SLC12A3: variants seen among roughly 807,000 people sequenced by gnomAD.
SLC12A3 encodes the protein Na-Cl cotransporter.
In SLC12A3, 104 loss-of-function variants were observed where a neutral mutation model predicts 121.0. The observed-to-expected ratio is 0.86, with a 90% CI of 0.73 to 1.01. The LOEUF (loss-of-function observed/expected upper bound fraction) is 1.01. Ranked by LOEUF, SLC12A3 falls within the 50% of genes least tolerant of loss-of-function variation. The pLI, the probability that SLC12A3 is intolerant of heterozygous loss-of-function variation, is 0.00. For missense variants in SLC12A3, 1,328 were observed against 1,356.3 expected (o/e 0.98, Z 0.33); for synonymous variants, 536 against 533.4 (o/e 1.00, Z -0.07).
At chr16:56,893,498 C>T (rs1438588208) in intron 21 of SLC12A3, among the ~76,000 whole-genome samples, 2 of 152,218 alleles carry the variant, frequency 1.3e-5, no homozygotes, top group Admixed American at 1.3e-4. Flanking sequence ...CTATTAATAA[C>T]TGCCAAAATA....
chr16:56,873,374 CTTTTTTTTTTTTTTTT>C (rs59478629), intron 8 of SLC12A3, among the ~76,000 whole-genome samples: 4 of 75,392 alleles, frequency 5.3e-5, no homozygotes, highest in Non-Finnish European at 9.7e-5. Context: ...CTCTTTCTTT[CTTTTTTTTTTTTTTTT>C]TTTTTTTTTT....
At chr16:56,899,657 G>A in intron 23 of SLC12A3, 41 bp downstream of exon 23, 4 of 1,435,818 alleles carry the variant, frequency 2.8e-6, no homozygotes, top group Non-Finnish European at 3.9e-6. Context: ...AGGGCCAACT[G>A]TGTGCCTGGA....
At position 56,880,220 on chromosome 16, in the gene SLC12A3, G is replaced by T. The variant is rs1378766996; in HGVS notation, c.1534G>T (p.Ala512Ser). 3 of 1,588,856 alleles carry T rather than the reference G, an allele frequency of 1.9e-6. No homozygotes were observed. The highest frequency in any genetic ancestry group is 1.8e-5 in the Admixed American group (1 of 55,454). The change falls in exon 12 of 26, where the codon GCC becomes TCC. Residue 512 changes from alanine to serine, a missense_variant. By Grantham distance (99) the Ala-to-Ser change is moderately conservative (BLOSUM62 1). Transcript: ENST00000563236. ...GGAGCCCGTGCGTGGCTACCTGCTG[G>T]CCTACGCCATCGCTGTGGCCTTCAT... is the stretch of plus-strand genomic sequence containing the variant. ...NKEPVRGYLLAYAIAVAFIII... is the reference protein window; with the variant it reads ...NKEPVRGYLLSYAIAVAFIII...
At chr16:56,904,308 GA>G in intron 24 of SLC12A3, 86 bp from the exon 25 acceptor site, 1 of 1,220,280 alleles carries the variant, frequency 8.2e-7, no homozygotes. Context: ...GAATCCAGTT[GA>G]AAATGTTAAT....
In SLC12A3 at chr16:56,872,758, C is replaced by T. The variant is rs1280772093; in HGVS notation, c.1067C>T (p.Ala356Val). Residue 356 changes from alanine (A) to valine (V), a missense_variant, in exon 8 of 26, where the codon GCA becomes GTA. By Grantham distance (64) the Ala-to-Val change is moderately conservative. Coordinates refer to ENST00000563236, the MANE Select transcript of SLC12A3 (RefSeq NM_001126108.2). ...IFFPSATGIL[A>V]GANISGDLKD... ...TTCCCCTCGGCCACAGGCATCCTGG[C>T]AGGGGCCAACATATCTGGTGACCTC... 2.2e-5 allele frequency: 35 copies of T among 1,614,150 alleles called. No individual in the cohort carries two copies. Among genetic ancestry groups the T allele is most frequent in the Non-Finnish European group, 3.0e-5 (35 of 1,180,058 alleles).
chr16:56,875,135 C>CCG (rs1342362739), intron 8 of SLC12A3, among the ~76,000 whole-genome samples: 105 of 115,248 alleles, frequency 9.1e-4, no homozygotes, highest in Non-Finnish European at 1.6e-4. Flanking sequence ...TGGATGAGGC[C>CCG]CGCGCGCCTG....
chr16:56,881,436 C>T (rs1288048783), intron 12 of SLC12A3, among the ~76,000 whole-genome samples: 1 of 147,084 alleles, frequency 6.8e-6, no homozygotes, highest in East Asian at 2.3e-4. Context: ...ATTCGATGTC[C>T]TTTCATCTGG....
chr16:56,872,348 C>T lies in SLC12A3; in HGVS notation c.853-3C>T, dbSNP rs371741331. 2 of 1,611,352 alleles carry T rather than the reference C, an allele frequency of 1.2e-6. No homozygotes were observed. The highest frequency in any genetic ancestry group is 1.7e-6 in the Non-Finnish European group (2 of 1,177,712). On this transcript the variant is annotated splice_polypyrimidine_tract_variant and splice_region_variant and intron_variant, in intron 6 of 25. Transcript: ENST00000563236. ...GACCTCTGGGGTCCTTCGCCCCCTC[C>T]AGGCCCAGGTGCTGTTCTTCCTTGT...
At chr16:56,913,161 A>C in intron 25 of SLC12A3, 103 bp from the exon 26 acceptor site, 1 of 1,494,122 alleles carries the variant, frequency 6.7e-7, no homozygotes, top group African/African-American at 1.4e-5. Context: ...AGGAGCTCTG[A>C]GGGACGGTAA....
intron 9 of SLC12A3, among the ~76,000 whole-genome samples, 159 bp from the exon 10 acceptor site, chr16:56,878,914 A>G (rs2055199786): frequency 6.6e-6 from 1 of 152,220 alleles, no homozygotes; most frequent in Non-Finnish European, 1.5e-5. Context: ...AGTACTTATC[A>G]TGGCTCCGGG....
intron 25 of SLC12A3, among the ~76,000 whole-genome samples, chr16:56,911,502 T>G (rs1051405624): frequency 2.0e-5 from 3 of 152,136 alleles, no homozygotes; most frequent in African/African-American, 7.2e-5. Context: ...TTTTTCTATT[T>G]TTTGTAAAGA....
At position 56,865,427 on chromosome 16, in the gene SLC12A3, G is replaced by A. The variant is rs1366846589; in HGVS notation, c.192G>A (p.Val64=). 1 of 1,614,014 alleles carries A rather than the reference G, an allele frequency of 6.2e-7. No individual in the cohort carries two copies. The highest frequency in any genetic ancestry group is 8.5e-7 in the Non-Finnish European group (1 of 1,180,044). Residue 64 remains valine, a synonymous_variant, in exon 1 of 26, where the codon GTG becomes GTA. Transcript: ENST00000563236. ...TTGGCTACAACACGATCGATGTGGT[G>A]CCCACATATGAGCACTATGCCAACA... ...RTFGYNTIDV[V]PTYEHYANST... is the part of the protein sequence containing the mutation.
intron 1 of SLC12A3, among the ~76,000 whole-genome samples, chr16:56,866,698 C>T (rs1017847800): frequency 1.3e-5 from 2 of 152,218 alleles, no homozygotes; most frequent in African/African-American, 4.8e-5. Context: ...CCTCCACCTC[C>T]TGGCTTCAAG....
chr16:56,909,419 C>G (rs181944067), intron 25 of SLC12A3, among the ~76,000 whole-genome samples: 1 of 149,906 alleles, frequency 6.7e-6, no homozygotes, highest in Admixed American at 6.7e-5. Context: ...TCCCACCCCC[C>G]ATCCCTACCA....
chr16:56,868,456 C>A, intron 3 of SLC12A3, 84 bp downstream of exon 3: 1 of 1,353,426 alleles, frequency 7.4e-7, no homozygotes, highest in Non-Finnish European at 1.0e-6. Context: ...TCTTCCCAGA[C>A]CCCAAGGTTG....
chr16:56,890,520 C>T (rs555963572), intron 19 of SLC12A3, among the ~76,000 whole-genome samples, 164 bp downstream of exon 19: 28 of 152,308 alleles, frequency 1.8e-4, no homozygotes, highest in African/African-American at 5.8e-4. Context: ...GAGAAAGCAA[C>T]GCATTCAAGG....
rs369939495 is a variant in SLC12A3 at position 56,869,863 on chromosome 16, G to A, written c.601+39G>A. 6 of 1,569,022 alleles carry A rather than the reference G, an allele frequency of 3.8e-6. No individual in the cohort carries two copies. In the African/African-American group the frequency reaches 4.1e-5, roughly 11 times the overall value. Reference sequence around the variant, plus strand: ...CTTTCCACCAAGGCCCTCCTCTCGTGGGCTCCTAATCCTGGGAACAGGACT... The same window carrying A: ...CTTTCCACCAAGGCCCTCCTCTCGTAGGCTCCTAATCCTGGGAACAGGACT... On this transcript the variant is annotated intron_variant, in intron 4 of 25. Coordinates refer to ENST00000563236, the MANE Select transcript of SLC12A3 (RefSeq NM_001126108.2).
intron 2 of SLC12A3, among the ~76,000 whole-genome samples, 167 bp downstream of exon 2, chr16:56,867,383 C>T (rs1280624461): frequency 6.6e-6 from 1 of 152,102 alleles, no homozygotes; most frequent in African/African-American, 2.4e-5. Context: ...TAAAGCCTGC[C>T]GGGGAGTAAT....
intron 25 of SLC12A3, among the ~76,000 whole-genome samples, chr16:56,907,399 C>T (rs554882183): frequency 2.0e-5 from 3 of 151,510 alleles, no homozygotes; most frequent in Non-Finnish European, 4.4e-5. Context: ...CAGAGGTTGC[C>T]GTGAGCCAAG....
Sources: gnomAD v4.1 joint callset for allele counts (sites outside exome capture counted in the v4.1 genomes callset) on GRCh38, gnomAD v4.1.1 for gene constraint, MANE v1.5 for transcripts, NCBI Gene and HGNC (gene_info 2026-07-23, HGNC 2026-07-21) for gene names.